RIOK2: variants seen among roughly 807,000 people sequenced by gnomAD.
The protein encoded by RIOK2 is serine/threonine-protein kinase RIO2.
A neutral mutation model predicts 62.4 loss-of-function variants in RIOK2; 46 were observed. The observed-to-expected ratio is 0.74, with a 90% CI of 0.58 to 0.94. RIOK2 has a LOEUF of 0.94. RIOK2 is among the 40% of genes least tolerant of loss of function. RIOK2 has a pLI of 0.00. For missense variants in RIOK2, 574 were observed against 658.0 expected (o/e 0.87, Z 1.40); for synonymous variants, 197 against 216.0 (o/e 0.91, Z 0.77).
rs765262774 is a variant in RIOK2, at chr5:97,165,055, G to A, written c.1490C>T (p.Pro497Leu). ...SGSAVSCSTIPPELVKQKVKR... is the reference protein window; with the variant it reads ...SGSAVSCSTILPELVKQKVKR... ...ACATGTTGAATGACTACTTACTGGA[G>A]GAATTGTTGAACAGCTTACAGCACT... The change falls in exon 9 of 10, where the codon CCT becomes CTT. Residue 497 changes from proline (P) to leucine (L), a missense_variant. Physicochemically the swap from Pro to Leu is moderately conservative, Grantham distance 98 (BLOSUM62 -3). Coordinates refer to ENST00000283109, the MANE Select transcript of RIOK2 (RefSeq NM_018343.3). The A allele has an allele frequency of 6.3e-7, 1 of 1,592,106 alleles. No individual in the cohort carries two copies. Among genetic ancestry groups the A allele is most frequent in the Non-Finnish European group, 8.6e-7 (1 of 1,166,834 alleles).
chr5:97,164,074 G>T (rs1389417522), intron 9 of RIOK2, among the ~76,000 whole-genome samples: 1 of 151,952 alleles, frequency 6.6e-6, no homozygotes, highest in Non-Finnish European at 1.5e-5. Flanking sequence ...TAAATTTTTT[G>T]TAGACAGGGG....
At position 97,182,894 on chromosome 5, in the gene RIOK2, A is replaced by C. The variant is rs529587111; in HGVS notation, c.66+232T>G. On this transcript the variant is annotated intron_variant, in intron 1 of 9. Coordinates refer to ENST00000283109, the MANE Select transcript of RIOK2 (RefSeq NM_018343.3). The stretch of plus-strand genomic sequence containing the variant: ...TCAGCGCAAAGCGAATAGCAGCAGA[A>C]AAGAAAACAATTATTAGAAGACGGG... 68 of 547,582 alleles carry C rather than the reference A, an allele frequency of 1.2e-4. No homozygotes were observed. The East Asian group carries it at 2.3e-3, about 18-fold the overall frequency. The allele number at this position is 547,582 out of a possible 1,614,324, so 33.9% of individuals were successfully genotyped here.
intron 6 of RIOK2, among the ~76,000 whole-genome samples, chr5:97,169,404 A>C (rs27311): frequency 0.12 from 17,654 of 152,262 alleles, 1,080 homozygotes; most frequent in East Asian, 0.18. Flanking sequence ...ACAGCCTATA[A>C]AAATAATCTG....
At chr5:97,178,171 TA>T (rs1171509085) in intron 2 of RIOK2, among the ~76,000 whole-genome samples, 14 of 152,358 alleles carry the variant, frequency 9.2e-5, no homozygotes, top group South Asian at 4.1e-4. Context: ...TTCTAGTAAT[TA>T]TTTTTTTGTA....
At chr5:97,178,031 C>G (rs1290508474) in intron 2 of RIOK2, among the ~76,000 whole-genome samples, 183 bp from the exon 3 acceptor site, 1 of 152,158 alleles carries the variant, frequency 6.6e-6, no homozygotes, top group Admixed American at 6.5e-5. Flanking sequence ...TACTGATAAT[C>G]AAAATGTGAC....
Position 97,179,125 on chromosome 5 carries a change from T to A in RIOK2, c.135A>T (p.Lys45Asn), listed in dbSNP as rs766092380. ...GSLIASIASL[K>N]HGGCNKVLRE... ...TTAAAACTTTATTACAGCCACCATGTTTAAGGCTGGCTATAGAAGCAATCA... is the reference window on the plus strand; with the variant it reads ...TTAAAACTTTATTACAGCCACCATGATTAAGGCTGGCTATAGAAGCAATCA... Residue 45 changes from lysine to asparagine, a missense_variant, in exon 2 of 10, where the codon AAA (lysine) becomes AAT (asparagine). Physicochemically the swap from Lys to Asn is moderately conservative, Grantham distance 94 (BLOSUM62 0). Transcript: ENST00000283109. The A allele has an allele frequency of 6.2e-7, 1 of 1,613,806 alleles. No individual in the cohort carries two copies. Among genetic ancestry groups the A allele is most frequent in the Non-Finnish European group, 8.5e-7 (1 of 1,179,750 alleles).
rs769527941 is a variant in RIOK2 at position 97,163,182 on chromosome 5, T to G, written c.1538A>C (p.Gln513Pro). Residue 513 changes from glutamine to proline, a missense_variant, in exon 10 of 10, where the codon CAA becomes CCA. Physicochemically the swap from Gln to Pro is moderately conservative, Grantham distance 76. Transcript: ENST00000283109. ...CAATCGACGTCTGACAGCTGATTTT[T>G]GCTGTTTTGTCAACTGACGTTTCAC... ...QKVKRQLTKQ[Q>P]KSAVRRRLQK... 1 of 1,613,734 alleles carries G rather than the reference T, an allele frequency of 6.2e-7. No homozygotes were observed. Among genetic ancestry groups the G allele is most frequent in the Non-Finnish European group, 8.5e-7 (1 of 1,179,848 alleles).
chr5:97,170,775 G>A (rs1290936991), intron 6 of RIOK2, among the ~76,000 whole-genome samples: 1 of 152,118 alleles, frequency 6.6e-6, no homozygotes, highest in African/African-American at 2.4e-5. Context: ...ACCAGTGACT[G>A]ACCTAAATAA....
At chr5:97,173,821 T>C (rs1749084497) in intron 4 of RIOK2, among the ~76,000 whole-genome samples, 1 of 152,186 alleles carries the variant, frequency 6.6e-6, no homozygotes, top group African/African-American at 2.4e-5. Context: ...TATACACTGT[T>C]GTAGTCTGAT....
At chr5:97,176,316 C>A (rs1432523511) in intron 4 of RIOK2, among the ~76,000 whole-genome samples, 1 of 152,126 alleles carries the variant, frequency 6.6e-6, no homozygotes, top group African/African-American at 2.4e-5. Flanking sequence ...TTCTCTTCAT[C>A]CTTACCTCTT....
At chr5:97,176,994 G>A in intron 4 of RIOK2, 122 bp downstream of exon 4, 1 of 807,354 alleles carries the variant, frequency 1.2e-6, no homozygotes, top group Non-Finnish European at 2.0e-6. Context: ...GAGTCTGTCT[G>A]TAGGAATTGA....
Position 97,167,786 on chromosome 5 carries a change from C to G in RIOK2, c.1078G>C (p.Glu360Gln). The change falls in exon 8 of 10, where the codon GAA (glutamate) becomes CAA (glutamine). Residue 360 changes from glutamate (E) to glutamine (Q), a missense_variant. Glu to Gln is a conservative substitution (Grantham distance 29). Coordinates refer to ENST00000283109, the MANE Select transcript of RIOK2 (RefSeq NM_018343.3). ...SENESERNCL[E>Q]ESEGCYCRSS... The stretch of plus-strand genomic sequence containing the variant: ...CTGCAATAGCAGCCCTCTGATTCTT[C>G]TAGACAGTTCCGTTCACTTTCATTT... 6.2e-7 allele frequency: 1 copy of G among 1,614,190 alleles called. No individual in the cohort carries two copies. The highest frequency in any genetic ancestry group is 1.1e-5 in the South Asian group (1 of 91,084).
chr5:97,180,034 A>G (rs1184650153), intron 1 of RIOK2, among the ~76,000 whole-genome samples: 1 of 75,614 alleles, frequency 1.3e-5, no homozygotes, highest in Non-Finnish European at 2.5e-5. Flanking sequence ...TATAATATAT[A>G]TATTATATAT....
At chr5:97,177,492 T>C (rs982940782) in intron 3 of RIOK2, among the ~76,000 whole-genome samples, 1 of 152,204 alleles carries the variant, frequency 6.6e-6, no homozygotes, top group African/African-American at 2.4e-5. Context: ...AATAATGATA[T>C]ATCTTGGGAG....
chr5:97,170,930 GA>G (rs1748986113), intron 6 of RIOK2, among the ~76,000 whole-genome samples: 1 of 151,976 alleles, frequency 6.6e-6, no homozygotes, highest in African/African-American at 2.4e-5. Context: ...GAGGCGGGTG[GA>G]TCACCTGAGG....
At chr5:97,183,020 C>A (rs754253333) in intron 1 of RIOK2, 106 bp downstream of exon 1, 7 of 1,210,140 alleles carry the variant, frequency 5.8e-6, no homozygotes, top group Non-Finnish European at 8.6e-6. Flanking sequence ...TCTGCCACGT[C>A]CCGGGTCCCA....
At chr5:97,172,745 T>G (rs1261463372) in intron 5 of RIOK2, among the ~76,000 whole-genome samples, 1 of 152,240 alleles carries the variant, frequency 6.6e-6, no homozygotes, top group Non-Finnish European at 1.5e-5. Flanking sequence ...AGACTTTTCT[T>G]GACCACCCTA....
At position 97,160,874 on chromosome 5, in the gene RIOK2, T is replaced by C. The variant is rs919671154; in HGVS notation, c.*2187A>G. ...GCACAAATATAAACCGCATAGTTTGTAGGAAAAGTTTATTTAATGGGGAGA... is the reference window on the plus strand; with the variant it reads ...GCACAAATATAAACCGCATAGTTTGCAGGAAAAGTTTATTTAATGGGGAGA... On this transcript the variant is annotated 3_prime_UTR_variant, in exon 10 of 10. Coordinates refer to ENST00000283109, the MANE Select transcript of RIOK2 (RefSeq NM_018343.3). The C allele has an allele frequency of 6.6e-6, 1 of 152,178 alleles. No individual in the cohort carries two copies. The allele number at this position is 152,178 out of a possible 1,614,324, so 9.4% of individuals were successfully genotyped here.
intron 8 of RIOK2, 29 bp from the exon 9 acceptor site, chr5:97,165,176 A>G (rs1748812344): frequency 8.5e-7 from 1 of 1,178,462 alleles, no homozygotes; most frequent in Admixed American, 2.8e-5. Flanking sequence ...CAATTTATCT[A>G]GTTAATTTGT....
Sources: allele counts gnomAD v4.1 joint callset (sites outside exome capture counted in the v4.1 genomes callset), GRCh38; gene constraint gnomAD v4.1.1; transcripts MANE v1.5; gene names NCBI Gene and HGNC (gene_info 2026-07-23, HGNC 2026-07-21).